The following KLHL3 variants were observed in gnomAD, a reference collection of about 807,000 sequenced individuals.
KLHL3 encodes kelch-like protein 3.
KLHL3 carries 19 observed loss-of-function variants against 70.5 expected under a neutral mutation model. That is an observed-to-expected ratio of 0.27 (90% CI 0.19 to 0.40). The LOEUF (loss-of-function observed/expected upper bound fraction) is 0.40, where lower values mean the gene tolerates loss of function less well. Ranked by LOEUF, KLHL3 falls within the 10% of genes least tolerant of loss-of-function variation. KLHL3 has a pLI of 1.00. For synonymous variants in KLHL3, 258 were observed against 290.3 expected, an observed-to-expected ratio of 0.89 and a Z score of 1.13; for missense variants, 512 against 771.1, an observed-to-expected ratio of 0.66 and a Z score of 3.98.
chr5:137,617,547 C>A lies in KLHL3; in HGVS notation c.*4551G>T, dbSNP rs1194548729. The A allele has an allele frequency of 6.6e-6, 1 of 152,216 alleles. No individual in the cohort carries two copies. Among genetic ancestry groups the A allele is most frequent in the African/African-American group, 2.4e-5 (1 of 41,444 alleles). The allele number at this position is 152,216 out of a possible 1,614,324, so 9.4% of individuals were successfully genotyped here. On this transcript the variant is annotated 3_prime_UTR_variant, in exon 15 of 15. Transcript: ENST00000309755. Reference sequence around the variant, plus strand: ...AAAATTAAAGGATGGGAAATTAGAACATGATTCCTGTTAAAATAATACATT... The same window carrying A: ...AAAATTAAAGGATGGGAAATTAGAAAATGATTCCTGTTAAAATAATACATT...
intron 13 of KLHL3, 107 bp downstream of exon 13, chr5:137,628,190 A>G (rs903291892): frequency 1.4e-6 from 2 of 1,387,796 alleles, no homozygotes; most frequent in East Asian, 2.3e-5. Flanking sequence ...TTCAGGATAT[A>G]CGCTCAGCTC....
chr5:137,709,369 G>A (rs1752749425), intron 3 of KLHL3, among the ~76,000 whole-genome samples: 2 of 152,204 alleles, frequency 1.3e-5, no homozygotes, highest in African/African-American at 4.8e-5. Flanking sequence ...GTGACCTTGG[G>A]CAGGTCTCTT....
At chr5:137,725,055 C>G (rs1448373390) in intron 1 of KLHL3, 2 of 985,152 alleles carry the variant, frequency 2.0e-6, no homozygotes, top group African/African-American at 3.5e-5. Flanking sequence ...CTTTTTCCCT[C>G]CATTCATTCC....
chr5:137,655,992 A>AC (rs1751332427), intron 8 of KLHL3, among the ~76,000 whole-genome samples: 1 of 112,194 alleles, frequency 8.9e-6, no homozygotes, highest in African/African-American at 3.4e-5. Flanking sequence ...CTCTGCCTCA[A>AC]GAAAAAAAAA....
chr5:137,662,371 A>G (rs1229356180), intron 6 of KLHL3, among the ~76,000 whole-genome samples: 1 of 152,154 alleles, frequency 6.6e-6, no homozygotes, highest in Admixed American at 6.5e-5. Flanking sequence ...AAGGGTAAAA[A>G]TACAGAGCAG....
rs763995625 is a variant in KLHL3 at position 137,634,022 on chromosome 5, G to A, written c.1450+15C>T. Reference sequence around the variant, plus strand: ...GCAAATCAGACACAGCCAGCACCCCGAGGTTCTCCCATACCTGCGCCACTG... The same window carrying A: ...GCAAATCAGACACAGCCAGCACCCCAAGGTTCTCCCATACCTGCGCCACTG... On this transcript the variant is annotated intron_variant, in intron 12 of 14. Coordinates refer to ENST00000309755, the MANE Select transcript of KLHL3 (RefSeq NM_017415.3). 8.1e-6 allele frequency: 13 copies of A among 1,613,906 alleles called. No homozygotes were observed. Among genetic ancestry groups the A allele is most frequent in the Non-Finnish European group, 1.0e-5 (12 of 1,180,028 alleles).
intron 3 of KLHL3, among the ~76,000 whole-genome samples, chr5:137,701,464 C>T (rs1223855537): frequency 6.6e-6 from 1 of 152,186 alleles, no homozygotes; most frequent in Non-Finnish European, 1.5e-5. Context: ...AATAAAATCT[C>T]ACCCTAACTA....
chr5:137,658,249 T>C lies in KLHL3; in HGVS notation c.785A>G (p.Asn262Ser), dbSNP rs1751391047. Residue 262 changes from asparagine (N) to serine (S), a missense_variant, in exon 8 of 15, where the codon AAC (asparagine) becomes AGC (serine). By Grantham distance (46) the Asn-to-Ser change is conservative. Transcript: ENST00000309755. ...AATGAGGAAGTCTTTACAGGTGTTGTTATTCTTTATCAAAGCTTCTTCTTC... is the reference window on the plus strand; with the variant it reads ...AATGAGGAAGTCTTTACAGGTGTTGCTATTCTTTATCAAAGCTTCTTCTTC... ...TVEEEALIKN[N>S]NTCKDFLIEA... The C allele has an allele frequency of 6.2e-7, 1 of 1,613,914 alleles. No individual in the cohort carries two copies. Among genetic ancestry groups the C allele is most frequent in the Non-Finnish European group, 8.5e-7 (1 of 1,179,820 alleles).
At chr5:137,635,144 AT>A (rs1483205356) in intron 11 of KLHL3, among the ~76,000 whole-genome samples, 1 of 152,320 alleles carries the variant, frequency 6.6e-6, no homozygotes, top group African/African-American at 2.4e-5. Context: ...ATCTGCAATT[AT>A]TTTAAGTTAG....
chr5:137,725,347 T>C (rs1275791496), intron 1 of KLHL3, among the ~76,000 whole-genome samples: 2 of 152,210 alleles, frequency 1.3e-5, no homozygotes, highest in Non-Finnish European at 2.9e-5. Context: ...GAAAAGCATT[T>C]CACAGTAAAT....
At chr5:137,733,927 G>A (rs1220674588) in intron 1 of KLHL3, among the ~76,000 whole-genome samples, 3 of 152,228 alleles carry the variant, frequency 2.0e-5, no homozygotes, top group African/African-American at 7.2e-5. Flanking sequence ...GTGAACATTG[G>A]AAGCTGCTCG....
intron 8 of KLHL3, among the ~76,000 whole-genome samples, chr5:137,645,584 G>T (rs1751023106): frequency 6.6e-6 from 1 of 151,684 alleles, no homozygotes. Context: ...AAATAACTAG[G>T]AATAAATTTA....
chr5:137,677,990 G>C (rs1309481324), intron 5 of KLHL3, among the ~76,000 whole-genome samples: 10 of 152,164 alleles, frequency 6.6e-5, no homozygotes, highest in African/African-American at 2.2e-4. Flanking sequence ...CCATAATTGA[G>C]CTTATTTCCC....
intron 3 of KLHL3, chr5:137,707,500 T>A (rs543720937): frequency 4.6e-5 from 7 of 152,962 alleles, no homozygotes; most frequent in Non-Finnish European, 8.8e-5. Context: ...TTTGTATATG[T>A]ATACATTTAT....
At chr5:137,691,703 CG>C (rs1284461603) in intron 5 of KLHL3, among the ~76,000 whole-genome samples, 4 of 151,862 alleles carry the variant, frequency 2.6e-5, no homozygotes, top group Non-Finnish European at 5.9e-5. Context: ...CTCCGCCTCC[CG>C]GATTCACACC....
At chr5:137,719,921 T>C (rs1295119833) in intron 2 of KLHL3, among the ~76,000 whole-genome samples, 1 of 152,186 alleles carries the variant, frequency 6.6e-6, no homozygotes, top group African/African-American at 2.4e-5. Flanking sequence ...TTTTCCCCTG[T>C]GATTAATCAT....
intron 2 of KLHL3, among the ~76,000 whole-genome samples, chr5:137,712,642 T>C (rs1254302239): frequency 6.6e-6 from 1 of 152,184 alleles, no homozygotes; most frequent in Non-Finnish European, 1.5e-5. Context: ...TATGGGATCC[T>C]TTTTTCCGAG....
intron 2 of KLHL3, among the ~76,000 whole-genome samples, chr5:137,713,137 G>T (rs1420534290): frequency 6.8e-6 from 1 of 147,080 alleles, no homozygotes; most frequent in Admixed American, 6.9e-5. Context: ...AAGAGGTTGA[G>T]GGGAGGAATA....
intron 12 of KLHL3, chr5:137,629,972 C>G (rs6596409): frequency 0.26 from 40,147 of 152,054 alleles, 5,693 homozygotes; most frequent in East Asian, 0.57. Context: ...GCAGCCTCAT[C>G]CATAAACATT....
Sources: allele counts gnomAD v4.1 joint callset (sites outside exome capture counted in the v4.1 genomes callset), GRCh38; gene constraint gnomAD v4.1.1; transcripts MANE v1.5; gene names NCBI Gene and HGNC (gene_info 2026-07-23, HGNC 2026-07-21).